The following FARS2 variants were observed in gnomAD, a reference collection of about 807,000 sequenced individuals.
FARS2 encodes the protein phenylalanine--tRNA ligase, mitochondrial.
FARS2 carries 40 observed loss-of-function variants against 46.4 expected under a neutral mutation model. The ratio of observed to expected loss-of-function variants is 0.86; its 90% confidence interval spans 0.67 to 1.12. FARS2 has a LOEUF of 1.12. FARS2 is among the 50% of genes most tolerant of loss of function. FARS2 has a pLI of 0.00. For missense variants in FARS2, 513 were observed against 567.9 expected (o/e 0.90, Z 0.98); for synonymous variants, 234 against 214.9 (o/e 1.09, Z -0.78).
chr6:5,392,772 G>GTA (rs1286648232), intron 2 of FARS2, among the ~76,000 whole-genome samples: 2 of 131,378 alleles, frequency 1.5e-5, no homozygotes, highest in Admixed American at 7.6e-5. Flanking sequence ...ACACACACAT[G>GTA]TATATATATG....
chr6:5,295,643 A>G (rs1767803688), intron 1 of FARS2, among the ~76,000 whole-genome samples: 1 of 152,184 alleles, frequency 6.6e-6, no homozygotes, highest in Admixed American at 6.5e-5. Context: ...ACTATTTTTG[A>G]GCCAAAATTA....
At chr6:5,293,150 T>C (rs1488979038) in intron 1 of FARS2, among the ~76,000 whole-genome samples, 1 of 151,750 alleles carries the variant, frequency 6.6e-6, no homozygotes, top group Non-Finnish European at 1.5e-5. Flanking sequence ...AGGTGAGAGG[T>C]GAATGGATGA....
At chr6:5,388,169 A>G (rs1760259771) in intron 2 of FARS2, among the ~76,000 whole-genome samples, 1 of 152,178 alleles carries the variant, frequency 6.6e-6, no homozygotes, top group African/African-American at 2.4e-5. Context: ...CCTGAGATGA[A>G]CCAATAATTT....
intron 6 of FARS2, among the ~76,000 whole-genome samples, chr6:5,674,852 A>G (rs1357960767): frequency 4.6e-5 from 7 of 152,130 alleles, no homozygotes; most frequent in Non-Finnish European, 4.4e-5. Context: ...GGGATTTTTT[A>G]AAGAAATTGC....
chr6:5,565,065 A>G (rs1002621164), intron 5 of FARS2, among the ~76,000 whole-genome samples: 2 of 152,256 alleles, frequency 1.3e-5, no homozygotes, highest in African/African-American at 4.8e-5. Context: ...GCACTGATGC[A>G]AACAACTATA....
At chr6:5,628,090 C>T (rs1378151967) in intron 6 of FARS2, among the ~76,000 whole-genome samples, 2 of 152,198 alleles carry the variant, frequency 1.3e-5, no homozygotes, top group Non-Finnish European at 2.9e-5. Flanking sequence ...AACTCTTTAG[C>T]TTCCAGGAGC....
intron 4 of FARS2, among the ~76,000 whole-genome samples, chr6:5,496,772 T>C (rs1233450075): frequency 3.3e-5 from 5 of 152,240 alleles, no homozygotes; most frequent in Admixed American, 1.3e-4. Context: ...TTAAAGGCTG[T>C]ATCACGTTCT....
chr6:5,698,427 C>T (rs905737781), intron 6 of FARS2, among the ~76,000 whole-genome samples: 4 of 152,258 alleles, frequency 2.6e-5, no homozygotes, highest in Admixed American at 1.3e-4. Flanking sequence ...CCAAACACCT[C>T]CCACCAGGCC....
intron 2 of FARS2, among the ~76,000 whole-genome samples, chr6:5,401,745 C>G (rs563141290): frequency 3.9e-5 from 6 of 152,084 alleles, no homozygotes; most frequent in Non-Finnish European, 8.8e-5. Context: ...AACTTCTTGA[C>G]CCACATTTTT....
At chr6:5,571,901 T>C (rs1772675131) in intron 5 of FARS2, among the ~76,000 whole-genome samples, 1 of 152,166 alleles carries the variant, frequency 6.6e-6, no homozygotes, top group Non-Finnish European at 1.5e-5. Context: ...GCCTCACTTC[T>C]TGTGCCATCA....
chr6:5,534,079 A>AG (rs893667448), intron 4 of FARS2, among the ~76,000 whole-genome samples: 8 of 152,168 alleles, frequency 5.3e-5, no homozygotes, highest in Non-Finnish European at 1.2e-4. Context: ...ATTTTATGAG[A>AG]GAAAAAGCTG....
intron 4 of FARS2, chr6:5,466,884 G>A: frequency 1.0e-6 from 1 of 985,406 alleles, no homozygotes. Flanking sequence ...TGGATTCCTT[G>A]AACCCATGAG....
At chr6:5,542,238 T>C (rs1770683359) in intron 4 of FARS2, among the ~76,000 whole-genome samples, 1 of 152,186 alleles carries the variant, frequency 6.6e-6, no homozygotes, top group African/African-American at 2.4e-5. Context: ...CTCATCCTTA[T>C]TTTACCCAGC....
chr6:5,264,898 A>G (rs893523999), intron 1 of FARS2, among the ~76,000 whole-genome samples: 1 of 151,188 alleles, frequency 6.6e-6, no homozygotes, highest in Non-Finnish European at 1.5e-5. Context: ...TGCTGAAGTG[A>G]TTTTCCTGCC....
At chr6:5,733,184 G>T (rs1362320400) in intron 6 of FARS2, among the ~76,000 whole-genome samples, 1 of 152,198 alleles carries the variant, frequency 6.6e-6, no homozygotes, top group Non-Finnish European at 1.5e-5. Flanking sequence ...AGCAATTGCT[G>T]TATAGAATTA....
At chr6:5,724,823 A>G (rs960236611) in intron 6 of FARS2, among the ~76,000 whole-genome samples, 1 of 152,214 alleles carries the variant, frequency 6.6e-6, no homozygotes, top group Non-Finnish European at 1.5e-5. Flanking sequence ...ATGAATCCTA[A>G]TTCAGGTCTC....
chr6:5,741,497 C>G (rs528152386), intron 6 of FARS2, among the ~76,000 whole-genome samples: 12 of 152,284 alleles, frequency 7.9e-5, no homozygotes, highest in African/African-American at 2.9e-4. Flanking sequence ...TATGGTTCAG[C>G]GGGTGTTACC....
chr6:5,695,541 C>T (rs1758049077), intron 6 of FARS2, among the ~76,000 whole-genome samples: 2 of 152,192 alleles, frequency 1.3e-5, no homozygotes, highest in South Asian at 4.1e-4. Flanking sequence ...TTGGTCTTGA[C>T]GAGAAGCCTT....
At chr6:5,712,903 C>T (rs1359734375) in intron 6 of FARS2, among the ~76,000 whole-genome samples, 15 of 152,232 alleles carry the variant, frequency 9.9e-5, no homozygotes, top group Admixed American at 9.8e-4. Context: ...AGTAGACACA[C>T]CTAGCTGTAT....
Sources: gnomAD v4.1 joint callset for allele counts (sites outside exome capture counted in the v4.1 genomes callset) on GRCh38, gnomAD v4.1.1 for gene constraint, MANE v1.5 for transcripts, NCBI Gene and HGNC (gene_info 2026-07-23, HGNC 2026-07-21) for gene names.